Variants in SUMF1 observed in about 807,000 individuals in gnomAD.
SUMF1 encodes the protein formylglycine-generating enzyme.
SUMF1 carries 48 observed loss-of-function variants against 47.6 expected under a neutral mutation model. The observed-to-expected ratio is 1.01, with a 90% CI of 0.80 to 1.28. The LOEUF (loss-of-function observed/expected upper bound fraction) is 1.28. Ranked by LOEUF, SUMF1 falls within the 50% of genes most tolerant of loss-of-function variation. The pLI is 0.00. For missense variants in SUMF1, 571 were observed against 485.4 expected (o/e 1.18, Z -1.66); for synonymous variants, 230 against 192.1 (o/e 1.20, Z -1.63).
Position 4,362,068 on chromosome 3 carries a change from G to C in SUMF1, c.*76C>G. On this transcript the variant is annotated 3_prime_UTR_variant, in exon 9 of 9. Coordinates refer to ENST00000272902, the MANE Select transcript of SUMF1 (RefSeq NM_182760.4). The stretch of plus-strand genomic sequence containing the variant: ...GGGTGGGAATTCTTTGCATGGGATC[G>C]TTCAAAGTTCTGAGAAAAGCCCAAT... The C allele has an allele frequency of 2.1e-6, 3 of 1,412,394 alleles. No individual in the cohort carries two copies. The highest frequency in any genetic ancestry group is 2.8e-5 in the African/African-American group (2 of 70,592). The allele number at this position is 1,412,394 out of a possible 1,614,324, so 87.5% of individuals were successfully genotyped here.
At chr3:4,428,033 G>A (rs1214850826) in intron 3 of SUMF1, among the ~76,000 whole-genome samples, 1 of 152,024 alleles carries the variant, frequency 6.6e-6, no homozygotes, top group East Asian at 1.9e-4. Flanking sequence ...ATAAGTAACT[G>A]TAAATTGGTA....
intron 3 of SUMF1, among the ~76,000 whole-genome samples, chr3:4,436,327 C>T (rs981620632): frequency 2.6e-5 from 4 of 151,794 alleles, no homozygotes; most frequent in African/African-American, 4.8e-5. Flanking sequence ...TTGTTATGTA[C>T]GTATATTATA....
intron 8 of SUMF1, among the ~76,000 whole-genome samples, chr3:4,229,054 T>C (rs1485265): frequency 6.6e-6 from 1 of 151,720 alleles, no homozygotes; most frequent in East Asian, 1.9e-4. Context: ...TGCTGAGTGA[T>C]GTACGAAGCA....
At chr3:4,460,599 AGTGTGTGTGTGTGT>A (rs144375913) in intron 1 of SUMF1, among the ~76,000 whole-genome samples, 1 of 143,576 alleles carries the variant, frequency 7.0e-6, no homozygotes, top group African/African-American at 2.6e-5. Context: ...TCACACACAC[AGTGTGTGTGTGTGT>A]GTGTGTGTGT....
chr3:4,316,870 C>T (rs1230524685), intron 8 of SUMF1: 1 of 1,549,504 alleles, frequency 6.5e-7, no homozygotes, highest in Non-Finnish European at 8.7e-7. Flanking sequence ...GAGAAGTATG[C>T]TCAGGAAATC....
At chr3:4,151,417 ATATGTGTATACATG>A (rs1694324362) in intron 8 of SUMF1, among the ~76,000 whole-genome samples, 4 of 97,972 alleles carry the variant, frequency 4.1e-5, no homozygotes, top group East Asian at 2.1e-4. Flanking sequence ...ATATATGTAT[ATATGTGTATACATG>A]TGTATATATG....
At chr3:4,173,689 C>G (rs1200144636) in intron 8 of SUMF1, among the ~76,000 whole-genome samples, 1 of 152,104 alleles carries the variant, frequency 6.6e-6, no homozygotes, top group Admixed American at 6.5e-5. Context: ...CCATAGAATA[C>G]TATGCAGCCA....
At chr3:4,214,407 A>G (rs979272447) in intron 8 of SUMF1, among the ~76,000 whole-genome samples, 1 of 152,198 alleles carries the variant, frequency 6.6e-6, no homozygotes, top group African/African-American at 2.4e-5. Flanking sequence ...CATTTAAAGC[A>G]CTGTGTAAGG....
At chr3:4,442,366 C>T (rs1702625793) in intron 3 of SUMF1, among the ~76,000 whole-genome samples, 1 of 151,854 alleles carries the variant, frequency 6.6e-6, no homozygotes, top group Non-Finnish European at 1.5e-5. Context: ...CGCCATTCTC[C>T]TGCCTCAGCC....
intron 8 of SUMF1, among the ~76,000 whole-genome samples, chr3:4,098,202 G>T (rs1052307071): frequency 6.6e-6 from 1 of 152,082 alleles, no homozygotes; most frequent in Non-Finnish European, 1.5e-5. Context: ...CATGGAAATT[G>T]AAGCTCCCCT....
chr3:4,155,430 G>A (rs1232671475), intron 8 of SUMF1, among the ~76,000 whole-genome samples: 1 of 151,504 alleles, frequency 6.6e-6, no homozygotes, highest in African/African-American at 2.4e-5. Context: ...TTAGGCATGC[G>A]ATGTTCTCAT....
chr3:4,091,081 AAAC>A (rs1262704341), intron 8 of SUMF1, among the ~76,000 whole-genome samples: 3 of 145,328 alleles, frequency 2.1e-5, no homozygotes, highest in East Asian at 2.0e-4. Flanking sequence ...ACTCCATAAA[AAAC>A]AACAACAACA....
intron 8 of SUMF1, among the ~76,000 whole-genome samples, chr3:4,228,878 C>G (rs1377147224): frequency 2.0e-5 from 3 of 151,928 alleles, no homozygotes; most frequent in Non-Finnish European, 4.4e-5. Flanking sequence ...TCTCATAAAC[C>G]TACAATTTTT....
chr3:4,173,202 A>T lies in SUMF1; in HGVS notation c.1015-104457T>A, dbSNP rs566130194. 4.6e-5 allele frequency among the ~76,000 whole-genome samples: 7 copies of T among 152,234 alleles called. No homozygotes were observed. In the East Asian group the frequency reaches 1.4e-3, roughly 29 times the overall value. On this transcript the variant is annotated intron_variant and NMD_transcript_variant, in intron 8 of 12. Coordinates refer to the SUMF1 transcript ENST00000448413. ...ATTTCTGAGGCCTCTCTTCTGTTCC[A>T]TTGCTCTATATATCTCTTTTGGTAC...
chr3:4,323,427 G>A (rs1346091860), intron 8 of SUMF1, among the ~76,000 whole-genome samples: 1 of 152,138 alleles, frequency 6.6e-6, no homozygotes, highest in African/African-American at 2.4e-5. Context: ...ACAAGTACAT[G>A]GTTTCTTTTG....
At chr3:4,372,931 A>G (rs1214879215) in intron 8 of SUMF1, among the ~76,000 whole-genome samples, 1 of 152,204 alleles carries the variant, frequency 6.6e-6, no homozygotes, top group Admixed American at 6.5e-5. Context: ...TAAACAATTC[A>G]TTTGACCAAG....
intron 5 of SUMF1, 141 bp downstream of exon 5, chr3:4,417,869 G>A: frequency 1.4e-6 from 2 of 1,470,622 alleles, no homozygotes; most frequent in East Asian, 2.3e-5. Context: ...TGTCTTCTAA[G>A]TAATTTCGTG....
At chr3:4,062,228 G>A (rs1467266453) in intron 9 of SUMF1, among the ~76,000 whole-genome samples, 1 of 152,100 alleles carries the variant, frequency 6.6e-6, no homozygotes, top group African/African-American at 2.4e-5. Flanking sequence ...GCTTTCAAAT[G>A]TATTGGGAGC....
At chr3:4,214,742 C>A (rs969787395) in intron 8 of SUMF1, among the ~76,000 whole-genome samples, 1 of 151,954 alleles carries the variant, frequency 6.6e-6, no homozygotes, top group African/African-American at 2.4e-5. Flanking sequence ...GAAATCCAAA[C>A]CACCATCAGA....
Sources: allele counts gnomAD v4.1 joint callset (sites outside exome capture counted in the v4.1 genomes callset), GRCh38; gene constraint gnomAD v4.1.1; transcripts MANE v1.5; gene names NCBI Gene and HGNC (gene_info 2026-07-23, HGNC 2026-07-21).